SLC7A2: variants seen among roughly 807,000 people sequenced by gnomAD.
The protein encoded by SLC7A2 is solute carrier family 7 member 2.
SLC7A2 carries 48 observed loss-of-function variants against 58.9 expected under a neutral mutation model. The observed-to-expected ratio is 0.82, with a 90% CI of 0.65 to 1.04. SLC7A2 has a LOEUF of 1.04. Among genes scored for constraint, SLC7A2 ranks in the 50% least tolerant of loss-of-function variants. The pLI is 0.00. For missense variants in SLC7A2, 1,029 were observed against 818.8 expected (o/e 1.26, Z -3.13); for synonymous variants, 363 against 314.5 (o/e 1.15, Z -1.63).
chr8:17,563,656 G>A lies in SLC7A2; in HGVS notation c.1725G>A (p.Leu575=), dbSNP rs778531116. 8 of 1,613,468 alleles carry A rather than the reference G, an allele frequency of 5.0e-6. No homozygotes were observed. In the Admixed American group the frequency reaches 1.3e-4, roughly 27 times the overall value. Residue 575 remains leucine, a synonymous_variant, in exon 12 of 13, where the codon TTG becomes TTA. Transcript: ENST00000494857. The part of the protein sequence containing the change: ...PAFSILVNIY[L]MVQLSADTWV... ...TCAGCATCTTGGTGAACATTTACTT[G>A]ATGGTCCAGTTAAGTGCAGACACTT...
chr8:17,500,789 AACACACACAT>A (rs1800123486), intron 1 of SLC7A2, among the ~76,000 whole-genome samples: 1 of 122,044 alleles, frequency 8.2e-6, no homozygotes, highest in Non-Finnish European at 1.6e-5. Context: ...ACTCTGTCTC[AACACACACAT>A]ACACACACAC....
chr8:17,537,145 C>T (rs1402863250), intron 2 of SLC7A2, among the ~76,000 whole-genome samples: 1 of 152,206 alleles, frequency 6.6e-6, no homozygotes, highest in African/African-American at 2.4e-5. Context: ...CAACCTCTGC[C>T]TCCTGAGTTC....
intron 1 of SLC7A2, among the ~76,000 whole-genome samples, chr8:17,497,460 G>T (rs1799998082): frequency 6.6e-6 from 1 of 152,186 alleles, no homozygotes; most frequent in African/African-American, 2.4e-5. Context: ...GGCTGAAGCC[G>T]TGGACCTTCG....
chr8:17,509,520 G>A (rs376664568), intron 2 of SLC7A2, among the ~76,000 whole-genome samples: 12 of 152,136 alleles, frequency 7.9e-5, no homozygotes, highest in East Asian at 7.8e-4. Flanking sequence ...TGGCTAGGCT[G>A]GTCCCGAACT....
intron 2 of SLC7A2, among the ~76,000 whole-genome samples, chr8:17,511,535 A>G (rs1244523734): frequency 1.3e-5 from 2 of 152,184 alleles, no homozygotes; most frequent in Non-Finnish European, 2.9e-5. Flanking sequence ...ACATCCTGTT[A>G]TTACATTTGT....
At chr8:17,557,152 A>T (rs754907238) in intron 8 of SLC7A2, among the ~76,000 whole-genome samples, 1 of 152,362 alleles carries the variant, frequency 6.6e-6, no homozygotes, top group South Asian at 2.1e-4. Flanking sequence ...TTCCCTTCTC[A>T]TAGGATCATT....
chr8:17,547,766 A>G (rs1387915155), intron 4 of SLC7A2, among the ~76,000 whole-genome samples: 1 of 148,532 alleles, frequency 6.7e-6, no homozygotes, highest in Non-Finnish European at 1.5e-5. Flanking sequence ...ATGAGATTAT[A>G]TATTTACTGG....
chr8:17,547,785 A>AGTGTGTGTGTGTGTGTGTGTGT (rs35052068), intron 4 of SLC7A2, among the ~76,000 whole-genome samples: 2 of 144,710 alleles, frequency 1.4e-5, no homozygotes, highest in Non-Finnish European at 1.5e-5. Context: ...GGCACAAAAG[A>AGTGTGTGTGTGTGTGTGTGTGT]GTGTGTGTGT....
In SLC7A2 at chr8:17,537,214, G is replaced by T. The variant is rs1185427018; in HGVS notation, c.-22-6104G>T. 3.9e-5 allele frequency among the ~76,000 whole-genome samples: 6 copies of T among 152,186 alleles called. No individual in the cohort carries two copies. The East Asian group carries it at 1.2e-3, about 30-fold the overall frequency. The stretch of plus-strand genomic sequence containing the variant: ...TGGGATTACAGGCACGTAACACCAT[G>T]CCTGGCTAATTTTTGTATTTTTAGT... On this transcript the variant is annotated intron_variant, in intron 2 of 12. Coordinates refer to ENST00000494857, the MANE Select transcript of SLC7A2 (RefSeq NM_001370338.1).
intron 2 of SLC7A2, among the ~76,000 whole-genome samples, chr8:17,520,447 C>T (rs1230476677): frequency 6.6e-6 from 1 of 151,572 alleles, no homozygotes; most frequent in African/African-American, 2.4e-5. Context: ...TTGAGACCAG[C>T]CTGGCCAGCA....
chr8:17,555,522 A>G (rs1223179736), intron 8 of SLC7A2, among the ~76,000 whole-genome samples: 1 of 151,754 alleles, frequency 6.6e-6, no homozygotes, highest in Non-Finnish European at 1.5e-5. Flanking sequence ...GAATATTGCT[A>G]AGGGACCATA....
intron 2 of SLC7A2, among the ~76,000 whole-genome samples, chr8:17,518,214 CT>C (rs1245018944): frequency 4.9e-5 from 7 of 143,254 alleles, no homozygotes; most frequent in Non-Finnish European, 1.1e-4. Flanking sequence ...TTTTTCTTTT[CT>C]TTCTTTTTTT....
chr8:17,560,147 G>T (rs533794763), intron 9 of SLC7A2, among the ~76,000 whole-genome samples, 181 bp from the exon 10 acceptor site: 1 of 152,290 alleles, frequency 6.6e-6, no homozygotes, highest in East Asian at 1.9e-4. Flanking sequence ...TTTTGCTGCA[G>T]TTGTTTTATC....
chr8:17,497,724 G>A (rs1037007737), intron 1 of SLC7A2, among the ~76,000 whole-genome samples: 6 of 152,242 alleles, frequency 3.9e-5, no homozygotes, highest in Non-Finnish European at 8.8e-5. Flanking sequence ...GCTTAAATTA[G>A]AAAGCCGGCT....
chr8:17,551,737 A>C lies in SLC7A2; in HGVS notation c.833-27A>C, dbSNP rs751210270. The C allele has an allele frequency of 4.0e-6, 6 of 1,508,666 alleles. No homozygotes were observed. In the East Asian group the frequency reaches 1.4e-4, roughly 34 times the overall value. 93.5% of individuals were successfully genotyped at this position (1,508,666 alleles called of 1,614,324 possible). On this transcript the variant is annotated intron_variant, in intron 6 of 12. Coordinates refer to ENST00000494857, the MANE Select transcript of SLC7A2 (RefSeq NM_001370338.1). ...TACCTGTTGATGTTTTATTAAGCAT[A>C]CACATCTTTTGTTTATATTTCCTTA...
At chr8:17,501,134 C>T (rs1182505474) in intron 1 of SLC7A2, among the ~76,000 whole-genome samples, 3 of 152,026 alleles carry the variant, frequency 2.0e-5, no homozygotes, top group Non-Finnish European at 4.4e-5. Flanking sequence ...ATGCCTCAGC[C>T]TCCCGAGTAG....
At chr8:17,554,523 A>C (rs1422181429) in intron 7 of SLC7A2, 37 bp from the exon 8 acceptor site, 12 of 1,516,748 alleles carry the variant, frequency 7.9e-6, no homozygotes, top group Non-Finnish European at 1.1e-5. Flanking sequence ...TCTTGCATGA[A>C]TGTTTGCCAT....
At chr8:17,547,985 A>G (rs1021913933) in intron 4 of SLC7A2, among the ~76,000 whole-genome samples, 2 of 152,198 alleles carry the variant, frequency 1.3e-5, no homozygotes, top group African/African-American at 4.8e-5. Flanking sequence ...TTGAAGTATT[A>G]TCTTTGTTTA....
At chr8:17,545,136 G>A (rs1246020962) in intron 4 of SLC7A2, among the ~76,000 whole-genome samples, 1 of 152,130 alleles carries the variant, frequency 6.6e-6, no homozygotes, top group Non-Finnish European at 1.5e-5. Context: ...GTTTTTGTCA[G>A]TATTGTAGCA....
Sources: allele counts gnomAD v4.1 joint callset (sites outside exome capture counted in the v4.1 genomes callset), GRCh38; gene constraint gnomAD v4.1.1; transcripts MANE v1.5; gene names NCBI Gene and HGNC (gene_info 2026-07-23, HGNC 2026-07-21).